Variants in RIC8B observed in about 807,000 individuals in gnomAD.
The protein encoded by RIC8B is RIC8 guanine nucleotide exchange factor B.
A neutral mutation model predicts 57.5 loss-of-function variants in RIC8B; 16 were observed. That is an observed-to-expected ratio of 0.28 (90% CI 0.19 to 0.42). RIC8B has a LOEUF of 0.42. RIC8B is among the 10% of genes least tolerant of loss of function. The pLI is 1.00. For synonymous variants in RIC8B, 216 were observed against 250.8 expected, an observed-to-expected ratio of 0.86 and a Z score of 1.31; for missense variants, 481 against 677.0, an observed-to-expected ratio of 0.71 and a Z score of 3.21.
intron 4 of RIC8B, among the ~76,000 whole-genome samples, chr12:106,826,581 C>T (rs1427780951): frequency 6.6e-6 from 1 of 151,966 alleles, no homozygotes; most frequent in African/African-American, 2.4e-5. Flanking sequence ...TGGTGAAACC[C>T]CGTCTCCATT....
rs369179116 is a variant in RIC8B, at chr12:106,781,936, T to C, written c.85-2061T>C. 2.7e-4 allele frequency among the ~76,000 whole-genome samples: 41 copies of C among 152,312 alleles called. 1 individual carries two copies. Among genetic ancestry groups the C allele is most frequent in the African/African-American group, 9.4e-4 (39 of 41,578 alleles). ...TGATATCTGGCACTTTTAAGTCTAA[T>C]GTTAATTTTCACTAAACCTCAGGTC... On this transcript the variant is annotated intron_variant, in intron 1 of 9. Transcript: ENST00000392837.
intron 2 of RIC8B, among the ~76,000 whole-genome samples, chr12:106,787,683 G>A (rs1479670226): frequency 6.6e-6 from 1 of 152,036 alleles, no homozygotes; most frequent in Non-Finnish European, 1.5e-5. Context: ...GGAAACCCCC[G>A]ATAAGCCCAT....
intron 1 of RIC8B, among the ~76,000 whole-genome samples, chr12:106,782,784 T>A (rs2136159849): frequency 6.6e-6 from 1 of 152,330 alleles, no homozygotes; most frequent in East Asian, 1.9e-4. Context: ...TACAAAGATG[T>A]CAACACAGAA....
intron 4 of RIC8B, among the ~76,000 whole-genome samples, chr12:106,832,962 C>G (rs1182136551): frequency 1.3e-5 from 2 of 152,048 alleles, no homozygotes; most frequent in Admixed American, 6.5e-5. Context: ...TGGGCTTTAT[C>G]CCTTCAATAT....
chr12:106,787,690 C>A (rs916387375), intron 2 of RIC8B, among the ~76,000 whole-genome samples: 1 of 151,958 alleles, frequency 6.6e-6, no homozygotes, highest in Non-Finnish European at 1.5e-5. Flanking sequence ...CCCGATAAGC[C>A]CATCAGATCC....
At chr12:106,809,386 G>A (rs560381280) in intron 2 of RIC8B, among the ~76,000 whole-genome samples, 30 of 152,184 alleles carry the variant, frequency 2.0e-4, no homozygotes, top group African/African-American at 7.2e-4. Context: ...TAGCAGGCGT[G>A]GTGGTGTGTG....
chr12:106,841,839 CT>C (rs1948962101), intron 4 of RIC8B, among the ~76,000 whole-genome samples: 1 of 152,060 alleles, frequency 6.6e-6, no homozygotes, highest in South Asian at 2.1e-4. Context: ...TCATTTTAAT[CT>C]TTTGTACACT....
At chr12:106,826,321 GC>G (rs2136333376) in intron 4 of RIC8B, among the ~76,000 whole-genome samples, 1 of 152,280 alleles carries the variant, frequency 6.6e-6, no homozygotes, top group South Asian at 2.1e-4. Context: ...TTTAAACCCT[GC>G]TTTTAATTAC....
At chr12:106,797,823 T>C (rs531469558) in intron 2 of RIC8B, among the ~76,000 whole-genome samples, 56 of 152,140 alleles carry the variant, frequency 3.7e-4, no homozygotes, top group Non-Finnish European at 6.0e-4. Context: ...CGCAGAGAAA[T>C]TACTCGCTGA....
chr12:106,796,591 G>T (rs1022116015), intron 2 of RIC8B, among the ~76,000 whole-genome samples: 1 of 152,094 alleles, frequency 6.6e-6, no homozygotes, highest in Non-Finnish European at 1.5e-5. Flanking sequence ...AAAATTCTTA[G>T]GAGAAAACAT....
chr12:106,860,629 C>T (rs1053526389), intron 8 of RIC8B, among the ~76,000 whole-genome samples: 1 of 152,080 alleles, frequency 6.6e-6, no homozygotes, highest in Non-Finnish European at 1.5e-5. Context: ...TTTCAACGTA[C>T]TTATTATCTT....
intron 2 of RIC8B, chr12:106,797,867 A>G: frequency 2.3e-6 from 1 of 443,360 alleles, no homozygotes; most frequent in Admixed American, 4.1e-5. Context: ...ATTCGAGCTT[A>G]GGCAGCCTGG....
intron 2 of RIC8B, among the ~76,000 whole-genome samples, chr12:106,806,376 C>T (rs886276977): frequency 1.3e-5 from 2 of 152,190 alleles, no homozygotes; most frequent in Non-Finnish European, 2.9e-5. Context: ...TCTTGTGTTC[C>T]AGAACACCAC....
intron 8 of RIC8B, among the ~76,000 whole-genome samples, chr12:106,864,266 GT>G (rs1351085510): frequency 6.6e-6 from 1 of 152,028 alleles, no homozygotes; most frequent in Non-Finnish European, 1.5e-5. Context: ...GGTTTTTTTA[GT>G]TAATGAAGAT....
At chr12:106,831,836 C>T (rs546676332) in intron 4 of RIC8B, among the ~76,000 whole-genome samples, 2 of 152,296 alleles carry the variant, frequency 1.3e-5, no homozygotes, top group South Asian at 4.2e-4. Context: ...TGGCCTTCAC[C>T]TTGGGAACTC....
intron 3 of RIC8B, among the ~76,000 whole-genome samples, chr12:106,821,911 T>C (rs1210796121): frequency 1.3e-5 from 2 of 151,026 alleles, no homozygotes; most frequent in Non-Finnish European, 3.0e-5. Flanking sequence ...ACCCCATCTC[T>C]ACTAAAAATA....
chr12:106,789,733 G>A (rs1014543047), intron 2 of RIC8B, among the ~76,000 whole-genome samples: 1 of 151,992 alleles, frequency 6.6e-6, no homozygotes, highest in Non-Finnish European at 1.5e-5. Flanking sequence ...ATTTGGGTGG[G>A]GACACAGCCA....
chr12:106,783,138 A>G (rs2043842161), intron 1 of RIC8B, among the ~76,000 whole-genome samples: 1 of 152,186 alleles, frequency 6.6e-6, no homozygotes, highest in South Asian at 2.1e-4. Context: ...AAGAGTCATG[A>G]CACTCTCTGC....
At chr12:106,822,077 CAAAAAAAAAAA>C (rs67378158) in intron 3 of RIC8B, among the ~76,000 whole-genome samples, 16 of 38,036 alleles carry the variant, frequency 4.2e-4, no homozygotes, top group African/African-American at 1.4e-3. Flanking sequence ...GACTCCATCT[CAAAAAAAAAAA>C]AAAAAAAAAA....
Sources: gnomAD v4.1 joint callset for allele counts (sites outside exome capture counted in the v4.1 genomes callset) on GRCh38, gnomAD v4.1.1 for gene constraint, MANE v1.5 for transcripts, NCBI Gene and HGNC (gene_info 2026-07-23, HGNC 2026-07-21) for gene names.